The following C3orf52 variants were observed in gnomAD, a reference collection of about 807,000 sequenced individuals.
C3orf52 encodes TPA-induced transmembrane protein.
In C3orf52, 22 loss-of-function variants were observed where a neutral mutation model predicts 24.8. The ratio of observed to expected loss-of-function variants is 0.89; its 90% confidence interval spans 0.63 to 1.27. The LOEUF (loss-of-function observed/expected upper bound fraction) is 1.27. C3orf52 is among the 50% of genes most tolerant of loss of function. The pLI is 0.00. For synonymous variants in C3orf52, 93 were observed against 100.2 expected (o/e 0.93, Z 0.43); for missense variants, 265 against 260.7 (o/e 1.02, Z -0.11).
intron 2 of C3orf52, among the ~76,000 whole-genome samples, chr3:112,098,386 T>C (rs1203122501): frequency 6.6e-6 from 1 of 152,222 alleles, no homozygotes; most frequent in Non-Finnish European, 1.5e-5. Flanking sequence ...ATGAGGCTTC[T>C]CTTCAGCTTC....
rs1434569213 is a variant in C3orf52 at position 112,117,122 on chromosome 3, G to A, written c.*476G>A. On this transcript the variant is annotated 3_prime_UTR_variant, in exon 6 of 6. Coordinates refer to ENST00000264848, the MANE Select transcript of C3orf52 (RefSeq NM_024616.3). Reference sequence around the variant, plus strand: ...AGGTGGGATCGCGTAAGCATGAGCTGGTAGAGCACGGAGAGGCAGGCAGCC... The same window carrying A: ...AGGTGGGATCGCGTAAGCATGAGCTAGTAGAGCACGGAGAGGCAGGCAGCC... 3.4e-6 allele frequency: 2 copies of A among 579,784 alleles called. No individual in the cohort carries two copies. Among genetic ancestry groups the A allele is most frequent in the African/African-American group, 1.9e-5 (1 of 53,750 alleles). The allele number at this position is 579,784 out of a possible 1,614,324, so 35.9% of individuals were successfully genotyped here. A position where few individuals can be genotyped will look rare whatever the true frequency, so the allele number is the denominator to read the frequency against.
chr3:112,119,975 A>G (rs897702534), downstream of C3orf52, among the ~76,000 whole-genome samples: 2 of 152,238 alleles, frequency 1.3e-5, no homozygotes, highest in Non-Finnish European at 2.9e-5. Flanking sequence ...CCCCAGAGGC[A>G]GGCTCAGTTC....
At chr3:112,130,484 C>T (rs2074427433), downstream of C3orf52, 1 of 1,614,034 alleles carries the variant, frequency 6.2e-7, no homozygotes, top group Non-Finnish European at 8.5e-7. Flanking sequence ...TCTCACATTC[C>T]AAGGCATCTC....
downstream of C3orf52, chr3:112,122,499 T>G (rs1492488): frequency 1.3e-5 from 2 of 152,086 alleles, no homozygotes; most frequent in African/African-American, 4.8e-5. Flanking sequence ...TCAGGACACA[T>G]AGAGGAGTGC....
intron 3 of C3orf52, among the ~76,000 whole-genome samples, chr3:112,105,747 C>T (rs1271775476): frequency 7.4e-5 from 11 of 149,606 alleles, no homozygotes; most frequent in Admixed American, 6.7e-4. Flanking sequence ...GGTGTGAACC[C>T]GGCAGGCAGA....
chr3:112,105,804 C>T (rs1482292750), intron 3 of C3orf52, among the ~76,000 whole-genome samples: 3 of 131,816 alleles, frequency 2.3e-5, no homozygotes, highest in African/African-American at 8.9e-5. Context: ...GCCTGGGCAA[C>T]AGAGCGAGAC....
intron 1 of C3orf52, among the ~76,000 whole-genome samples, chr3:112,088,550 T>C (rs1327746341): frequency 6.6e-6 from 1 of 152,178 alleles, no homozygotes; most frequent in African/African-American, 2.4e-5. Context: ...AGTGAAGAAA[T>C]TGAGGGAGGC....
At chr3:112,124,589 CAA>C (rs1352792645) in intron 4 of C3orf52, among the ~76,000 whole-genome samples, 6 of 152,056 alleles carry the variant, frequency 3.9e-5, no homozygotes, top group African/African-American at 1.4e-4. Context: ...GCCTGGGTGA[CAA>C]GAGCAAAACT....
chr3:112,116,401 T>C (rs1401607074), intron 5 of C3orf52, among the ~76,000 whole-genome samples: 1 of 152,218 alleles, frequency 6.6e-6, no homozygotes, highest in Admixed American at 6.5e-5. Context: ...AAATTATTTC[T>C]CATGCATCCT....
intron 4 of C3orf52, among the ~76,000 whole-genome samples, chr3:112,126,722 CTTTTGTAT>C (rs1339160477): frequency 2.0e-5 from 3 of 152,174 alleles, no homozygotes; most frequent in African/African-American, 7.2e-5. Flanking sequence ...TCTCCTCCAC[CTTTTGTAT>C]CCTTGCCCCC....
rs1048798470 is a variant in C3orf52, at chr3:112,102,929, T to C, written c.360T>C (p.Val120=). 7 of 1,612,216 alleles carry C rather than the reference T, an allele frequency of 4.3e-6. No homozygotes were observed. Among genetic ancestry groups the C allele is most frequent in the Admixed American group, 1.7e-5 (1 of 59,818 alleles). ...TGCTGAAGATTCCAGAGGAGTGTGT[T>C]GCTGAAGAGGAATTGCCTCACCTGC... ...FIMLKIPEEC[V]AEEELPHLLT... is the part of the protein sequence containing the mutation. Residue 120 remains valine, a synonymous_variant, in exon 3 of 6, where the codon GTT becomes GTC. Coordinates refer to ENST00000264848, the MANE Select transcript of C3orf52 (RefSeq NM_024616.3).
At chr3:112,108,918 CTTAAA>C (rs997911739) in intron 3 of C3orf52, among the ~76,000 whole-genome samples, 3 of 152,100 alleles carry the variant, frequency 2.0e-5, no homozygotes, top group Non-Finnish European at 4.4e-5. Flanking sequence ...TATTTTGTTT[CTTAAA>C]TTAAAGGGCT....
rs2074141727 is a variant in C3orf52 at position 112,117,090 on chromosome 3, T to G, written c.*444T>G. 1.6e-6 allele frequency: 1 copy of G among 642,682 alleles called. No homozygotes were observed. Among genetic ancestry groups the G allele is most frequent in the Non-Finnish European group, 2.6e-6 (1 of 379,002 alleles). The allele number at this position is 642,682 out of a possible 1,614,324, so 39.8% of individuals were successfully genotyped here. On this transcript the variant is annotated 3_prime_UTR_variant, in exon 6 of 6. Transcript: ENST00000264848. ...TTCTTTAGTGCAGAGGTGCACTGTCTTCTTTTAGGTGGGATCGCGTAAGCA... is the reference window on the plus strand; with the variant it reads ...TTCTTTAGTGCAGAGGTGCACTGTCGTCTTTTAGGTGGGATCGCGTAAGCA...
intron 4 of C3orf52, chr3:112,127,931 CACAG>C (rs1201124559): frequency 1.8e-6 from 2 of 1,129,530 alleles, no homozygotes; most frequent in Non-Finnish European, 2.7e-6. Flanking sequence ...CCACTGTGGC[CACAG>C]ACAGTCACAG....
At chr3:112,133,232 C>A, downstream of C3orf52, 1 of 1,128,380 alleles carries the variant, frequency 8.9e-7, no homozygotes, top group Non-Finnish European at 1.3e-6. Context: ...CTCTGGCCAC[C>A]CGTGCAGAGA....
downstream of C3orf52, among the ~76,000 whole-genome samples, chr3:112,131,267 G>T (rs1225702115): frequency 1.3e-5 from 2 of 152,144 alleles, no homozygotes; most frequent in East Asian, 3.9e-4. Flanking sequence ...TGGGTTTGCT[G>T]CTGGCAGGTC....
intron 1 of C3orf52, among the ~76,000 whole-genome samples, chr3:112,092,844 C>G (rs1294915625): frequency 2.0e-5 from 3 of 152,160 alleles, no homozygotes; most frequent in Non-Finnish European, 4.4e-5. Context: ...TGTTTCCACT[C>G]TAAACCACAC....
downstream of C3orf52, chr3:112,133,381 G>T: frequency 2.3e-6 from 1 of 429,660 alleles, no homozygotes; most frequent in Non-Finnish European, 4.2e-6. Flanking sequence ...GCAACTACCC[G>T]TCAATGAGAG....
intron 4 of C3orf52, chr3:112,128,081 T>C (rs746517162): frequency 2.5e-6 from 4 of 1,610,616 alleles, no homozygotes; most frequent in Non-Finnish European, 1.7e-6. Context: ...CCAAGAGAGA[T>C]GGCAAATCAT....
Sources: allele counts gnomAD v4.1 joint callset (sites outside exome capture counted in the v4.1 genomes callset), GRCh38; gene constraint gnomAD v4.1.1; transcripts MANE v1.5; gene names NCBI Gene and HGNC (gene_info 2026-07-23, HGNC 2026-07-21).